The following GPR37 variants were observed in gnomAD, a reference collection of about 807,000 sequenced individuals.
GPR37 encodes the protein G protein-coupled receptor 37.
In GPR37, 20 loss-of-function variants were observed where a neutral mutation model predicts 43.6. That is an observed-to-expected ratio of 0.46 (90% CI 0.32 to 0.67). The LOEUF is 0.67. GPR37 is among the 30% of genes least tolerant of loss of function. The pLI, the probability that GPR37 is intolerant of heterozygous loss-of-function variation, is 0.03. For synonymous variants in GPR37, 315 were observed against 322.6 expected (o/e 0.98, Z 0.25); for missense variants, 724 against 797.2 (o/e 0.91, Z 1.11).
rs1793894357 is a variant in GPR37 at position 124,764,647 on chromosome 7, C to T, written c.330G>A (p.Pro110=). 2 of 1,583,902 alleles carry T rather than the reference C, an allele frequency of 1.3e-6. No individual in the cohort carries two copies. The highest frequency in any genetic ancestry group is 1.7e-6 in the Non-Finnish European group (2 of 1,165,076). Reference sequence around the variant, plus strand: ...GGCCAGGTGGCCTGGTTGGAGGTCCCGGGGGTCCGGCTGCCGACGCCTCCG... The same window carrying T: ...GGCCAGGTGGCCTGGTTGGAGGTCCTGGGGGTCCGGCTGCCGACGCCTCCG... ...RGAEASAAGP[P]GPPTRPPGPW... is the part of the protein sequence containing the mutation. The change falls in exon 1 of 2, where the codon CCG becomes CCA. Residue 110 remains proline (P), a synonymous_variant. Transcript: ENST00000303921. The surrounding 1 kb of genome is among the most constrained non-coding windows in gnomAD (Gnocchi z 5.4).
At chr7:124,751,587 T>C (rs1022513239) in intron 1 of GPR37, among the ~76,000 whole-genome samples, 1 of 152,176 alleles carries the variant, frequency 6.6e-6, no homozygotes, top group Non-Finnish European at 1.5e-5. Context: ...TGAAAAGATT[T>C]CTATCACAAT....
intron 1 of GPR37, among the ~76,000 whole-genome samples, chr7:124,751,487 T>G (rs1353488724): frequency 6.6e-6 from 1 of 152,126 alleles, no homozygotes; most frequent in Non-Finnish European, 1.5e-5. Context: ...TTGATAAAAA[T>G]CATATGAATA....
chr7:124,763,649 C>A (rs1793875618), intron 1 of GPR37, among the ~76,000 whole-genome samples: 1 of 151,706 alleles, frequency 6.6e-6, no homozygotes, highest in Admixed American at 6.6e-5. Context: ...CTGACAAGTG[C>A]CAAATCAGAA....
chr7:124,758,383 C>T (rs1010992132), intron 1 of GPR37, among the ~76,000 whole-genome samples: 2 of 152,174 alleles, frequency 1.3e-5, no homozygotes, highest in African/African-American at 2.4e-5. Flanking sequence ...CACATTTTCC[C>T]TAAGAATACT....
chr7:124,764,216 A>G lies in GPR37; in HGVS notation c.761T>C (p.Leu254Pro), dbSNP rs1198110226. ...RVRLKNPFYPLTQESYGAYAV... is the reference protein window; with the variant it reads ...RVRLKNPFYPPTQESYGAYAV... ...GTAGGCTCCATAGGACTCCTGGGTC[A>G]GCGGGTAGAAGGGGTTCTTCAGTCT... is the stretch of plus-strand genomic sequence containing the variant. The change falls in exon 1 of 2, where the codon CTG becomes CCG. Residue 254 changes from leucine (L) to proline (P), a missense_variant. Leu to Pro is a moderately conservative substitution (Grantham distance 98). This residue lies in a region of GPR37 where 382 missense variants were observed against 355.4 expected (regional missense o/e 1.07). Transcript: ENST00000303921. The surrounding 1 kb of genome is among the most constrained non-coding windows in gnomAD (Gnocchi z 5.4). The G allele has an allele frequency of 1.3e-6, 2 of 1,593,720 alleles. No homozygotes were observed. Among genetic ancestry groups the G allele is most frequent in the Non-Finnish European group, 1.7e-6 (2 of 1,169,898 alleles).
chr7:124,755,580 T>C (rs575982607), intron 1 of GPR37, among the ~76,000 whole-genome samples: 1 of 152,330 alleles, frequency 6.6e-6, no homozygotes, highest in Non-Finnish European at 1.5e-5. Flanking sequence ...AAAAAATTCA[T>C]TTAACTACAA....
Position 124,765,097 on chromosome 7 carries a change from G to A in GPR37, c.-121C>T, listed in dbSNP as rs1449990012. The A allele has an allele frequency of 1.1e-6, 1 of 916,676 alleles. No individual in the cohort carries two copies. The allele number at this position is 916,676 out of a possible 1,614,324, so 56.8% of individuals were successfully genotyped here. On this transcript the variant is annotated 5_prime_UTR_variant, in exon 1 of 2. Coordinates refer to ENST00000303921, the MANE Select transcript of GPR37 (RefSeq NM_005302.5). ...ATACTCACCCCCGCCCGGGTAGCGGGGAACCGGAGATTAGGGTGATAGCGG... is the reference window on the plus strand; with the variant it reads ...ATACTCACCCCCGCCCGGGTAGCGGAGAACCGGAGATTAGGGTGATAGCGG...
intron 1 of GPR37, among the ~76,000 whole-genome samples, chr7:124,758,786 C>T (rs1793820725): frequency 6.6e-6 from 1 of 152,182 alleles, no homozygotes; most frequent in Admixed American, 6.5e-5. Flanking sequence ...TCTCTCTCCA[C>T]CTCTGTGCAG....
chr7:124,747,098 G>C lies in GPR37; in HGVS notation c.1269C>G (p.Ile423Met). The change falls in exon 2 of 2, where the codon ATC (isoleucine) becomes ATG (methionine). Residue 423 changes from isoleucine (I) to methionine (M), a missense_variant. Physicochemically the swap from Ile to Met is conservative, Grantham distance 10. Coordinates refer to ENST00000303921, the MANE Select transcript of GPR37 (RefSeq NM_005302.5). ...AGATGGTGTCTGGTAAATCAGGAGA[G>C]ATCTTAATAATGCACCTTTCTGCCG... ...RAPAERCIIK[I>M]SPDLPDTIYV... 6.2e-7 allele frequency: 1 copy of C among 1,613,970 alleles called. No homozygotes were observed. The highest frequency in any genetic ancestry group is 8.5e-7 in the Non-Finnish European group (1 of 1,179,908).
At chr7:124,760,967 C>G (rs989036283) in intron 1 of GPR37, among the ~76,000 whole-genome samples, 1 of 152,012 alleles carries the variant, frequency 6.6e-6, no homozygotes, top group Non-Finnish European at 1.5e-5. Context: ...ACCATCCTGG[C>G]CAACATGGTG....
At position 124,744,840 on chromosome 7, in the gene GPR37, A is replaced by G. The variant is rs1793653001; in HGVS notation, c.*1685T>C. Reference sequence around the variant, plus strand: ...CATGCTCAATTGTTCCTTGATTTATAAAGTGACTAAATATCAGGAGAGACA... The same window carrying G: ...CATGCTCAATTGTTCCTTGATTTATGAAGTGACTAAATATCAGGAGAGACA... On this transcript the variant is annotated 3_prime_UTR_variant, in exon 2 of 2. Coordinates refer to ENST00000303921, the MANE Select transcript of GPR37 (RefSeq NM_005302.5). The G allele has an allele frequency of 6.6e-6, 1 of 152,196 alleles. No homozygotes were observed. The highest frequency in any genetic ancestry group is 6.5e-5 in the Admixed American group (1 of 15,268). The allele number at this position is 152,196 out of a possible 1,614,324, so 9.4% of individuals were successfully genotyped here. A position where few individuals can be genotyped will look rare whatever the true frequency, so the allele number is the denominator to read the frequency against.
In GPR37 at chr7:124,765,616, G is replaced by C. The variant is rs1315347647; in HGVS notation, c.-640C>G. On this transcript the variant is annotated 5_prime_UTR_variant, in exon 1 of 2. In the 5' UTR this introduces an upstream ATG that the reference lacks. Coordinates refer to ENST00000303921, the MANE Select transcript of GPR37 (RefSeq NM_005302.5). ...GCCTACTGCTGCCGAGGAGAAGCGG[G>C]ATTCCAACCCCGCGGCCACTGCCAA... 6.6e-6 allele frequency: 1 copy of C among 152,318 alleles called. No individual in the cohort carries two copies. Among genetic ancestry groups the C allele is most frequent in the African/African-American group, 2.4e-5 (1 of 41,472 alleles). 9.4% of individuals were successfully genotyped at this position (152,318 alleles called of 1,614,324 possible). A position where few individuals can be genotyped will look rare whatever the true frequency, so the allele number is the denominator to read the frequency against.
At chr7:124,748,729 T>C (rs1793701668) in intron 1 of GPR37, among the ~76,000 whole-genome samples, 1 of 152,026 alleles carries the variant, frequency 6.6e-6, no homozygotes, top group Non-Finnish European at 1.5e-5. Context: ...TCTTTGACAA[T>C]AACCACATGA....
chr7:124,754,323 C>T (rs976169434), intron 1 of GPR37, among the ~76,000 whole-genome samples: 2 of 152,130 alleles, frequency 1.3e-5, no homozygotes, highest in Non-Finnish European at 2.9e-5. Context: ...TACAGAGATC[C>T]TGTCTTAGCT....
intron 1 of GPR37, among the ~76,000 whole-genome samples, chr7:124,761,154 C>CAAAAAAAAAAAAAAAAAAAAAAAA (rs60967099): frequency 1.3e-5 from 1 of 77,470 alleles, no homozygotes; most frequent in African/African-American, 5.3e-5. Context: ...GACTCCGTCT[C>CAAAAAAAAAAAAAAAAAAAAAAAA]AAAAAAAAAA....
intron 1 of GPR37, among the ~76,000 whole-genome samples, chr7:124,760,278 A>C (rs1042600320): frequency 6.6e-6 from 1 of 152,202 alleles, no homozygotes; most frequent in Non-Finnish European, 1.5e-5. Context: ...AAGATGTCAA[A>C]AAATTTTTAA....
At chr7:124,747,460 G>T (rs1204676139) in intron 1 of GPR37, 117 bp from the exon 2 acceptor site, 1 of 659,474 alleles carries the variant, frequency 1.5e-6, no homozygotes, top group African/African-American at 1.8e-5. Flanking sequence ...AAAAATGAGA[G>T]AGAGAGAGAG....
intron 1 of GPR37, among the ~76,000 whole-genome samples, chr7:124,750,894 C>T (rs1398306548): frequency 1.3e-5 from 2 of 152,116 alleles, no homozygotes; most frequent in African/African-American, 4.8e-5. Context: ...TGTATTCCAA[C>T]TTATCATCAG....
At chr7:124,758,553 C>T (rs1793818613) in intron 1 of GPR37, among the ~76,000 whole-genome samples, 1 of 151,826 alleles carries the variant, frequency 6.6e-6, no homozygotes, top group Admixed American at 6.6e-5. Flanking sequence ...TGTGTAGACT[C>T]AGATAGTTGT....
Sources: allele counts gnomAD v4.1 joint callset (sites outside exome capture counted in the v4.1 genomes callset), GRCh38; gene constraint gnomAD v4.1.1; regional missense constraint gnomAD v4.1.1; non-coding constraint Gnocchi (gnomAD v3.1); transcripts MANE v1.5; gene names NCBI Gene and HGNC (gene_info 2026-07-23, HGNC 2026-07-21).